Variants in AMOTL2 observed in about 807,000 individuals in gnomAD.
AMOTL2 encodes angiomotin-like protein 2.
AMOTL2 carries 33 observed loss-of-function variants against 78.4 expected under a neutral mutation model. The observed-to-expected ratio is 0.42, with a 90% confidence interval of 0.32 to 0.56. The LOEUF is 0.56. Among genes scored for constraint, AMOTL2 ranks in the 20% least tolerant of loss-of-function variants. The pLI is 0.12. For missense variants in AMOTL2, 983 were observed against 1,030.1 expected, an observed-to-expected ratio of 0.95 and a Z score of 0.63; for synonymous variants, 422 against 428.8, an observed-to-expected ratio of 0.98 and a Z score of 0.20.
chr3:134,370,933 C>G lies in AMOTL2; in HGVS notation c.501G>C (p.Leu167=), dbSNP rs748775514. Residue 167 remains leucine (L), a synonymous_variant, in exon 2 of 10, where the codon CTG becomes CTC. Coordinates refer to ENST00000249883, the MANE Select transcript of AMOTL2 (RefSeq NM_016201.4). The part of the protein sequence containing the change: ...SLSERLLQLS[L]ERNGARAPSH... ...TGGGGGCCCGGGCGCCGTTCCTCTC[C>G]AGGGACAACTGAAGGAGCCGTTCAC... The G allele has an allele frequency of 6.2e-7, 1 of 1,612,046 alleles. No individual in the cohort carries two copies. Among genetic ancestry groups the G allele is most frequent in the South Asian group, 1.1e-5 (1 of 90,996 alleles).
chr3:134,367,411 C>G, intron 3 of AMOTL2, 86 bp downstream of exon 3: 2 of 1,495,438 alleles, frequency 1.3e-6, no homozygotes, highest in Non-Finnish European at 9.1e-7. Flanking sequence ...TCAGGCTCCT[C>G]TGCCTCTCCT....
upstream of AMOTL2, chr3:134,374,679 C>G: frequency 1.0e-6 from 1 of 982,358 alleles, no homozygotes; most frequent in Non-Finnish European, 1.2e-6. Flanking sequence ...CCCCCGAGCT[C>G]CGTTCCTCCG....
chr3:134,367,643 C>T lies in AMOTL2; in HGVS notation c.895G>A (p.Ala299Thr), dbSNP rs752815628. The change falls in exon 3 of 10, where the codon GCC (alanine) becomes ACC (threonine). Residue 299 changes from alanine to threonine, a missense_variant. Coordinates refer to ENST00000249883, the MANE Select transcript of AMOTL2 (RefSeq NM_016201.4). ...CCCGAGGTGGCTGAGGAGGCCTGGG[C>T]ACTCACTGGCCCCTCCACAGCAGGT... ...SPPAVEGPVS[A>T]QASSATSGSA... 6.8e-6 allele frequency: 11 copies of T among 1,613,364 alleles called. No homozygotes were observed. Among genetic ancestry groups the T allele is most frequent in the Non-Finnish European group, 9.3e-6 (11 of 1,180,036 alleles).
chr3:134,370,174 A>T (rs188582427), intron 2 of AMOTL2, among the ~76,000 whole-genome samples: 15 of 152,290 alleles, frequency 9.8e-5, no homozygotes, highest in Admixed American at 9.1e-4. Flanking sequence ...AATGAAGAGG[A>T]GAGACAAGTA....
At chr3:134,374,810 G>A (rs2018029793), upstream of AMOTL2, 2 of 1,047,814 alleles carry the variant, frequency 1.9e-6, no homozygotes, top group Non-Finnish European at 2.3e-6. Flanking sequence ...TCGCCGACCC[G>A]CTCTCACCCT....
Position 134,357,775 on chromosome 3 carries a change from C to T in AMOTL2, c.2285-12G>A, listed in dbSNP as rs1305311064. On this transcript the variant is annotated splice_polypyrimidine_tract_variant and intron_variant, in intron 9 of 9. Transcript: ENST00000249883. ...TGTAGCTACAGAGTCTGGAGACAGACAAGAACACAGGCACATGCCAATGAG... is the reference window on the plus strand; with the variant it reads ...TGTAGCTACAGAGTCTGGAGACAGATAAGAACACAGGCACATGCCAATGAG... 3 of 1,613,854 alleles carry T rather than the reference C, an allele frequency of 1.9e-6. No individual in the cohort carries two copies. Among genetic ancestry groups the T allele is most frequent in the Non-Finnish European group, 2.5e-6 (3 of 1,179,694 alleles).
chr3:134,361,721 C>T lies in AMOTL2; in HGVS notation c.1366G>A (p.Glu456Lys), dbSNP rs554840600. 22 of 1,608,318 alleles carry T rather than the reference C, an allele frequency of 1.4e-5. No individual in the cohort carries two copies. The highest frequency in any genetic ancestry group is 3.3e-5 in the Admixed American group (2 of 59,846). Residue 456 changes from glutamate (E) to lysine (K), a missense_variant, in exon 6 of 10, where the codon GAG becomes AAG. Physicochemically the swap from Glu to Lys is moderately conservative, Grantham distance 56. Transcript: ENST00000249883. Reference sequence around the variant, plus strand: ...TTGCCCAGAGCCTGCTCCAGCAGCTCGGCACGCCGCCGCTGGTCCTCGATG... The same window carrying T: ...TTGCCCAGAGCCTGCTCCAGCAGCTTGGCACGCCGCCGCTGGTCCTCGATG... The part of the protein sequence containing the change: ...GAIEDQRRRA[E>K]LLEQALGNAQ...
chr3:134,365,717 T>G (rs551935860), intron 5 of AMOTL2, 100 bp downstream of exon 5: 20 of 1,091,836 alleles, frequency 1.8e-5, no homozygotes, highest in Non-Finnish European at 9.4e-6. Flanking sequence ...CCCAAAGTAC[T>G]ACTTTGCAAG....
In AMOTL2 at chr3:134,355,398, T is replaced by A. The variant is rs563826946; in HGVS notation, c.*2307A>T. 6.6e-6 allele frequency among the ~76,000 whole-genome samples: 1 copy of A among 152,342 alleles called. No homozygotes were observed. The highest frequency in any genetic ancestry group is 2.4e-5 in the African/African-American group (1 of 41,576). ...TTGGAGCAATATGCTTTCCTGAGCA[T>A]CAGGAAAGAGTGGTGATGTCACAGC... On this transcript the variant is annotated 3_prime_UTR_variant, in exon 10 of 10. Transcript: ENST00000249883.
upstream of AMOTL2, chr3:134,375,223 G>T: frequency 1.5e-5 from 23 of 1,535,716 alleles, no homozygotes; most frequent in Non-Finnish European, 1.7e-5. Context: ...GCTCTGTCCA[G>T]TTCTTCCCCA....
intron 9 of AMOTL2, 85 bp downstream of exon 9, chr3:134,358,455 G>C (rs1394593083): frequency 2.7e-6 from 4 of 1,480,474 alleles, no homozygotes; most frequent in Admixed American, 4.4e-5. Context: ...GAGGGGGTCT[G>C]GGAAGAAAAG....
intron 5 of AMOTL2, among the ~76,000 whole-genome samples, chr3:134,362,519 G>A (rs2017417393): frequency 6.6e-6 from 1 of 152,148 alleles, no homozygotes; most frequent in Non-Finnish European, 1.5e-5. Context: ...CAGGCCGAGA[G>A]GTCCGTTGAG....
intron 1 of AMOTL2, 179 bp downstream of exon 1, chr3:134,374,163 A>T: frequency 1.1e-6 from 1 of 873,728 alleles, no homozygotes; most frequent in Non-Finnish European, 1.4e-6. Flanking sequence ...CTCCCTGGGC[A>T]GAGCGGCCCT....
At chr3:134,364,086 C>G (rs888493407) in intron 5 of AMOTL2, among the ~76,000 whole-genome samples, 1 of 152,276 alleles carries the variant, frequency 6.6e-6, no homozygotes, top group African/African-American at 2.4e-5. Flanking sequence ...GCCGACGGGA[C>G]CCGGGATGCG....
Position 134,367,750 on chromosome 3 carries a change from T to C in AMOTL2, c.788A>G (p.Gln263Arg). 6.2e-7 allele frequency: 1 copy of C among 1,613,794 alleles called. No homozygotes were observed. The highest frequency in any genetic ancestry group is 1.3e-5 in the African/African-American group (1 of 75,028). ...GTGCTCCTGAGATTGCTGCAGGTAC[T>C]GGTACTGCTGCTGCTGTTGGAGGAA... ...PVFLQQQQQY[Q>R]YLQQSQEHPP... Residue 263 changes from glutamine (Q) to arginine (R), a missense_variant, in exon 3 of 10, where the codon CAG (glutamine) becomes CGG (arginine). Gln to Arg is a conservative substitution (Grantham distance 43). Transcript: ENST00000249883.
intron 1 of AMOTL2, among the ~76,000 whole-genome samples, chr3:134,372,836 G>T (rs973736564): frequency 6.6e-6 from 1 of 150,810 alleles, no homozygotes; most frequent in African/African-American, 2.4e-5. Context: ...CTCTCACCCA[G>T]CTTCCTTTCC....
chr3:134,370,971 C>T lies in AMOTL2; in HGVS notation c.463G>A (p.Val155Met), dbSNP rs374487700. 28 of 1,607,328 alleles carry T rather than the reference C, an allele frequency of 1.7e-5. No individual in the cohort carries two copies. Among genetic ancestry groups the T allele is most frequent in the South Asian group, 5.5e-5 (5 of 90,338 alleles). Residue 155 changes from valine to methionine, a missense_variant, in exon 2 of 10, where the codon GTG (valine) becomes ATG (methionine). Transcript: ENST00000249883. ...AGGAGCCGTTCACTCAACGAGCGCACGTGCCCATGCCTCAGCTCCCGCAGG... is the reference window on the plus strand; with the variant it reads ...AGGAGCCGTTCACTCAACGAGCGCATGTGCCCATGCCTCAGCTCCCGCAGG... ...EALRELRHGHVRSLSERLLQL... is the reference protein window; with the variant it reads ...EALRELRHGHMRSLSERLLQL...
intron 7 of AMOTL2, 98 bp downstream of exon 7, chr3:134,360,008 G>C: frequency 7.5e-7 from 1 of 1,332,192 alleles, no homozygotes; most frequent in Non-Finnish European, 1.0e-6. Flanking sequence ...GAGCTCTATG[G>C]GGAAAGGGGC....
Position 134,361,778 on chromosome 3 carries a change from G to A in AMOTL2, c.1309C>T (p.Leu437=). 1 of 1,570,322 alleles carries A rather than the reference G, an allele frequency of 6.4e-7. No homozygotes were observed. Among genetic ancestry groups the A allele is most frequent in the Non-Finnish European group, 8.7e-7 (1 of 1,154,610 alleles). ...CGCAGCAGTGCCATCTCTCGCTCCA[G>A]CTTCTCTTGCTCCTGCTGCTGTTCG... The part of the protein sequence containing the change: ...SYEQQQEQEK[L]EREMALLRGA... Residue 437 remains leucine (L), a synonymous_variant, in exon 6 of 10, where the codon CTG becomes TTG. Transcript: ENST00000249883.
Sources: gnomAD v4.1 joint callset for allele counts (sites outside exome capture counted in the v4.1 genomes callset) on GRCh38, gnomAD v4.1.1 for gene constraint, MANE v1.5 for transcripts, NCBI Gene and HGNC (gene_info 2026-07-23, HGNC 2026-07-21) for gene names.